LARS2: variants seen among roughly 807,000 people sequenced by gnomAD.
LARS2 encodes the protein leucyl-tRNA synthetase 2, mitochondrial.
Under a neutral mutation model 116.6 loss-of-function variants are expected in LARS2, and 81 were observed. The observed-to-expected ratio is 0.69, with a 90% CI of 0.58 to 0.84. LARS2 has a LOEUF of 0.84. Ranked by LOEUF, LARS2 falls within the 40% of genes least tolerant of loss-of-function variation. LARS2 has a pLI of 0.00. For synonymous variants in LARS2, 396 were observed against 407.2 expected (o/e 0.97, Z 0.33); for missense variants, 968 against 1,114.5 (o/e 0.87, Z 1.87).
chr3:45,389,089 A>T (rs1264866933), intron 1 of LARS2: 1 of 152,172 alleles, frequency 6.6e-6, no homozygotes, highest in South Asian at 2.1e-4. Context: ...CAGACGAGAA[A>T]TCCGCCTGAG....
intron 10 of LARS2, among the ~76,000 whole-genome samples, chr3:45,482,926 C>T (rs556468827): frequency 9.9e-5 from 15 of 152,240 alleles, no homozygotes; most frequent in Non-Finnish European, 1.2e-4. Flanking sequence ...ACTTGATCTG[C>T]GTTCCAGTGA....
At chr3:45,480,966 A>G (rs1434994304) in intron 10 of LARS2, among the ~76,000 whole-genome samples, 2 of 152,326 alleles carry the variant, frequency 1.3e-5, no homozygotes, top group East Asian at 3.9e-4. Context: ...ACAAATTTAT[A>G]CAACCATCCC....
chr3:45,505,746 T>A (rs1402397660), intron 15 of LARS2, among the ~76,000 whole-genome samples: 1 of 152,050 alleles, frequency 6.6e-6, no homozygotes, highest in Non-Finnish European at 1.5e-5. Flanking sequence ...AAAGACCATA[T>A]GTAAGTGATT....
intron 8 of LARS2, among the ~76,000 whole-genome samples, chr3:45,471,845 T>A (rs979524376): frequency 6.6e-6 from 1 of 152,188 alleles, no homozygotes; most frequent in Non-Finnish European, 1.5e-5. Context: ...CATTCTAGAG[T>A]ACTTAATTTT....
chr3:45,540,505 T>G (rs1260458394), intron 20 of LARS2, among the ~76,000 whole-genome samples: 1 of 152,102 alleles, frequency 6.6e-6, no homozygotes, highest in Admixed American at 6.5e-5. Context: ...ATTGTACTAG[T>G]CTCAGGGCTA....
At chr3:45,421,770 A>G (rs1698516716) in intron 6 of LARS2, 1 of 152,286 alleles carries the variant, frequency 6.6e-6, no homozygotes, top group Non-Finnish European at 1.5e-5. Context: ...TAGGCATATA[A>G]TACATCTAAC....
At chr3:45,536,747 A>G (rs1044503530) in intron 20 of LARS2, among the ~76,000 whole-genome samples, 2 of 152,222 alleles carry the variant, frequency 1.3e-5, no homozygotes, top group Non-Finnish European at 2.9e-5. Flanking sequence ...TAAAGCATTC[A>G]ACGTTACAAG....
At chr3:45,394,817 G>C in intron 3 of LARS2, 130 bp downstream of exon 3, 1 of 645,496 alleles carries the variant, frequency 1.5e-6, no homozygotes, top group Non-Finnish European at 2.7e-6. Context: ...ATTTCTCTGT[G>C]CTTCAATTCT....
rs78709355 is a variant in LARS2, at chr3:45,545,159, C to T, written c.2533-2192C>T. The stretch of plus-strand genomic sequence containing the variant: ...ATGGGATGGGATATTCATGCATCGA[C>T]TCACAGGTTCATACAAGTGAATTGC... On this transcript the variant is annotated intron_variant, in intron 21 of 21. Coordinates refer to ENST00000645846, the MANE Select transcript of LARS2 (RefSeq NM_015340.4). Among the ~76,000 whole-genome samples the T allele has an allele frequency of 1.3e-3, 205 of 152,344 alleles. 2 individuals are homozygous for T. The East Asian group carries it at 0.037, about 28-fold the overall frequency.
At chr3:45,396,042 T>C (rs771662093) in intron 3 of LARS2, among the ~76,000 whole-genome samples, 7 of 152,372 alleles carry the variant, frequency 4.6e-5, no homozygotes, top group African/African-American at 1.7e-4. Context: ...AGCTTTTTTT[T>C]CCCTTTTGGT....
chr3:45,513,795 C>T (rs182092915), intron 16 of LARS2, among the ~76,000 whole-genome samples: 75 of 152,310 alleles, frequency 4.9e-4, no homozygotes, highest in Middle Eastern at 3.4e-3. Flanking sequence ...CATTTTCACC[C>T]TTTACCCTTT....
chr3:45,433,991 T>C (rs1454639723), intron 6 of LARS2, among the ~76,000 whole-genome samples: 3 of 152,182 alleles, frequency 2.0e-5, no homozygotes, highest in Non-Finnish European at 2.9e-5. Flanking sequence ...AATGCATTAT[T>C]TCTCTCTGGC....
intron 19 of LARS2, among the ~76,000 whole-genome samples, chr3:45,523,569 C>T (rs1700486953): frequency 6.6e-6 from 1 of 151,444 alleles, no homozygotes; most frequent in South Asian, 2.1e-4. Flanking sequence ...CACTGTTGCC[C>T]AAGCTTCAGT....
At chr3:45,399,602 C>T (rs1293259652) in intron 3 of LARS2, among the ~76,000 whole-genome samples, 3 of 151,930 alleles carry the variant, frequency 2.0e-5, no homozygotes, top group South Asian at 4.2e-4. Context: ...ATCCAAGAAC[C>T]CTCTCTTCGG....
chr3:45,416,835 G>A (rs1698429182), intron 4 of LARS2, among the ~76,000 whole-genome samples: 3 of 152,136 alleles, frequency 2.0e-5, no homozygotes, highest in Admixed American at 6.5e-5. Context: ...AGCACTTTAG[G>A]AGGCCGATGC....
At chr3:45,490,944 G>A (rs1317704003) in intron 12 of LARS2, among the ~76,000 whole-genome samples, 5 of 152,230 alleles carry the variant, frequency 3.3e-5, no homozygotes, top group Non-Finnish European at 7.3e-5. Flanking sequence ...GGTTCTTCAA[G>A]CCGAAGCCTC....
chr3:45,394,368 T>A, intron 2 of LARS2, 65 bp from the exon 3 acceptor site: 1 of 865,608 alleles, frequency 1.2e-6, no homozygotes, highest in Non-Finnish European at 1.9e-6. Context: ...CTGTGCCAAA[T>A]GGAAAGATAA....
intron 3 of LARS2, among the ~76,000 whole-genome samples, chr3:45,398,566 A>G (rs1698088887): frequency 6.6e-6 from 1 of 152,246 alleles, no homozygotes; most frequent in Non-Finnish European, 1.5e-5. Flanking sequence ...ACCCTTAGTG[A>G]CGAAACAGAA....
Position 45,485,782 on chromosome 3 carries a change from TG to T in LARS2, c.1111del (p.Asp371IlefsTer4), listed in dbSNP as rs1699797900. ...GCCAAAGCTGACTTGGAAGGCTCTC[TG>T]GATTCAAAAATAGGTAAGCAGCTAT... is the stretch of plus-strand genomic sequence containing the variant. The part of the protein sequence containing the change: ...ILAKADLEGS[L>X]DSKIGIPSTS... On this transcript the variant is annotated frameshift_variant, in exon 11 of 22. Coordinates refer to ENST00000645846, the MANE Select transcript of LARS2 (RefSeq NM_015340.4). LOFTEE classifies it high-confidence loss of function. 1 of 1,606,324 alleles carries T rather than the reference TG, an allele frequency of 6.2e-7. No individual in the cohort carries two copies. Among genetic ancestry groups the T allele is most frequent in the Non-Finnish European group, 8.5e-7 (1 of 1,174,652 alleles).
Sources: gnomAD v4.1 joint callset for allele counts (sites outside exome capture counted in the v4.1 genomes callset) on GRCh38, gnomAD v4.1.1 for gene constraint, MANE v1.5 for transcripts, NCBI Gene and HGNC (gene_info 2026-07-23, HGNC 2026-07-21) for gene names.